Variants in RAP1GAP observed in about 807,000 individuals in gnomAD.
RAP1GAP encodes rap1 GTPase-activating protein 1.
Under a neutral mutation model 87.2 loss-of-function variants are expected in RAP1GAP, and 35 were observed. That is an observed-to-expected ratio of 0.40 (90% confidence interval 0.31 to 0.53). RAP1GAP has a LOEUF of 0.53. RAP1GAP is among the 20% of genes least tolerant of loss of function. RAP1GAP has a pLI of 0.48. For synonymous variants in RAP1GAP, 375 were observed against 363.9 expected (o/e 1.03, Z -0.35); for missense variants, 734 against 898.9 (o/e 0.82, Z 2.35).
chr1:21,611,428 G>A (rs752539634), intron 13 of RAP1GAP, 24 bp downstream of exon 13: 2 of 1,603,742 alleles, frequency 1.2e-6, no homozygotes, highest in East Asian at 2.2e-5. Context: ...GAAGACAGGA[G>A]GCAGGTGGGG....
chr1:21,647,570 G>A (rs979986711), intron 2 of RAP1GAP, among the ~76,000 whole-genome samples: 3 of 152,312 alleles, frequency 2.0e-5, no homozygotes, highest in South Asian at 2.1e-4. Flanking sequence ...GTCAGCTCCC[G>A]GAAATGCCCT....
Position 21,651,549 on chromosome 1 carries a change from G to T in RAP1GAP, c.-148-1753C>A. 2 of 678,900 alleles carry T rather than the reference G, an allele frequency of 2.9e-6. No individual in the cohort carries two copies. The highest frequency in any genetic ancestry group is 1.4e-5 in the South Asian group (1 of 71,136). The allele number at this position is 678,900 out of a possible 1,614,324, so 42.1% of individuals were successfully genotyped here. A position where few individuals can be genotyped will look rare whatever the true frequency, so the allele number is the denominator to read the frequency against. ...ACCCTGCACTCACCTCCCCACACATGCACATGGACACGCAATGGGAACACA... is the reference window on the plus strand; with the variant it reads ...ACCCTGCACTCACCTCCCCACACATTCACATGGACACGCAATGGGAACACA... On this transcript the variant is annotated intron_variant, in intron 1 of 24. Coordinates refer to ENST00000374765, the MANE Select transcript of RAP1GAP (RefSeq NM_002885.4).
At chr1:21,636,849 AAGG>A (rs541438454) in intron 2 of RAP1GAP, among the ~76,000 whole-genome samples, 1,497 of 146,874 alleles carry the variant, frequency 0.01, 16 homozygotes, top group African/African-American at 0.025. Flanking sequence ...GAAGAAGAAG[AAGG>A]AGGAGGAGGA....
intron 2 of RAP1GAP, among the ~76,000 whole-genome samples, chr1:21,644,533 T>C (rs976024796): frequency 6.6e-6 from 1 of 152,174 alleles, no homozygotes; most frequent in Non-Finnish European, 1.5e-5. Flanking sequence ...CAAAGTGCTC[T>C]GAAACACAGC....
At position 21,622,136 on chromosome 1, in the gene RAP1GAP, A is replaced by T. The variant is rs2088374698; in HGVS notation, c.-18-2086T>A. On this transcript the variant is annotated intron_variant, in intron 3 of 24. Coordinates refer to ENST00000374765, the MANE Select transcript of RAP1GAP (RefSeq NM_002885.4). The surrounding 1 kb of genome is among the most constrained non-coding windows in gnomAD (Gnocchi z 5.7). ...GCCCAGAGCCACAGTGCCACCCGGG[A>T]GGCCACAGCAAGAGCCCCAGGGTCC... 6.6e-6 allele frequency among the ~76,000 whole-genome samples: 1 copy of T among 152,114 alleles called. No homozygotes were observed. The highest frequency in any genetic ancestry group is 1.5e-5 in the Non-Finnish European group (1 of 67,986).
chr1:21,598,522 A>G lies in RAP1GAP; in HGVS notation c.1777-20T>C, dbSNP rs1280537571. On this transcript the variant is annotated intron_variant, in intron 21 of 24. Transcript: ENST00000374765. ...GCTCTCCTGGGGAGGGGGTGGAAAG[A>G]GGGAGGGAGGTTAGCCTATGCCCTT... 1.3e-6 allele frequency: 2 copies of G among 1,590,922 alleles called. No homozygotes were observed. Among genetic ancestry groups the G allele is most frequent in the Non-Finnish European group, 1.7e-6 (2 of 1,159,526 alleles).
In RAP1GAP at chr1:21,614,044, C is replaced by T; in HGVS notation, c.337G>A (p.Val113Ile). The T allele has an allele frequency of 6.2e-7, 1 of 1,612,778 alleles. No homozygotes were observed. Among genetic ancestry groups the T allele is most frequent in the Non-Finnish European group, 8.5e-7 (1 of 1,179,266 alleles). Residue 113 changes from valine to isoleucine, a missense_variant, in exon 8 of 25, where the codon GTC (valine) becomes ATC (isoleucine). By Grantham distance (29) the Val-to-Ile change is conservative. This residue lies in a region of RAP1GAP where 485 missense variants were observed against 646.2 expected (regional missense o/e 0.75). Coordinates refer to ENST00000374765, the MANE Select transcript of RAP1GAP (RefSeq NM_002885.4). ...ATGACATCGTACTTGAGTGAGAAGA[C>T]AAGGTGGCCGAGGGCAGCGTCCAGT... ...YSLDAALGHLVFSLKYDVIGD... is the reference protein window; with the variant it reads ...YSLDAALGHLIFSLKYDVIGD...
chr1:21,659,186 T>A (rs951754079), intron 1 of RAP1GAP, among the ~76,000 whole-genome samples: 1 of 152,044 alleles, frequency 6.6e-6, no homozygotes, highest in Non-Finnish European at 1.5e-5. Flanking sequence ...ATAACAGGCG[T>A]GAACCACAGT....
At chr1:21,641,876 G>A (rs936011353) in intron 2 of RAP1GAP, among the ~76,000 whole-genome samples, 15 of 152,198 alleles carry the variant, frequency 9.9e-5, no homozygotes, top group African/African-American at 3.6e-4. Context: ...CTCTGAGAGG[G>A]AGGGTGATGT....
intron 1 of RAP1GAP, among the ~76,000 whole-genome samples, chr1:21,651,099 G>A (rs1282326050): frequency 6.6e-6 from 1 of 152,134 alleles, no homozygotes; most frequent in Non-Finnish European, 1.5e-5. Context: ...CTCCGCAACA[G>A]GCATAAATCC....
At chr1:21,597,889 C>T in intron 23 of RAP1GAP, 72 bp downstream of exon 23, 2 of 1,506,370 alleles carry the variant, frequency 1.3e-6, no homozygotes, top group Non-Finnish European at 1.8e-6. Context: ...GCCTCAGCTC[C>T]CAGCCTCCCC....
intron 2 of RAP1GAP, among the ~76,000 whole-genome samples, chr1:21,630,604 G>T (rs1279405667): frequency 3.3e-5 from 5 of 152,100 alleles, no homozygotes; most frequent in African/African-American, 1.2e-4. Flanking sequence ...CCAAGCTGGA[G>T]TGCAGTGGCA....
intron 22 of RAP1GAP, 75 bp from the exon 23 acceptor site, chr1:21,598,139 G>C (rs973769644): frequency 1.5e-5 from 15 of 1,005,180 alleles, no homozygotes; most frequent in Non-Finnish European, 2.2e-5. Flanking sequence ...ATAGGTGGGC[G>C]GTCGGCACCA....
intron 1 of RAP1GAP, among the ~76,000 whole-genome samples, chr1:21,662,874 TGA>T (rs1229675307): frequency 6.6e-6 from 1 of 152,144 alleles, no homozygotes; most frequent in Non-Finnish European, 1.5e-5. Flanking sequence ...GAGGATTAAA[TGA>T]GATAGATCCA....
chr1:21,660,311 GGGCTGGAC>G (rs2097070740), intron 1 of RAP1GAP, among the ~76,000 whole-genome samples: 1 of 72,486 alleles, frequency 1.4e-5, no homozygotes, highest in Admixed American at 1.9e-4. Flanking sequence ...AGGCTCAAGA[GGGCTGGAC>G]AGAGTGGGTT....
In RAP1GAP at chr1:21,622,104, C is replaced by T. The variant is rs2088322636; in HGVS notation, c.-18-2054G>A. Among the ~76,000 whole-genome samples, 2 of 152,154 alleles carry T rather than the reference C, an allele frequency of 1.3e-5. No homozygotes were observed. The highest frequency in any genetic ancestry group is 2.9e-5 in the Non-Finnish European group (2 of 68,014). On this transcript the variant is annotated intron_variant, in intron 3 of 24. Coordinates refer to ENST00000374765, the MANE Select transcript of RAP1GAP (RefSeq NM_002885.4). The surrounding 1 kb of genome is among the most constrained non-coding windows in gnomAD (Gnocchi z 5.7). ...TAGCACGCACCCACACACACCCTGC[C>T]GCTGCAGCCCAGAGCCACAGTGCCA...
chr1:21,646,205 A>T (rs1235195728), intron 2 of RAP1GAP, among the ~76,000 whole-genome samples: 1 of 152,210 alleles, frequency 6.6e-6, no homozygotes, highest in Non-Finnish European at 1.5e-5. Context: ...ACTGGTACCA[A>T]TTCTGTCAAG....
At chr1:21,656,579 G>T (rs2096876736) in intron 1 of RAP1GAP, among the ~76,000 whole-genome samples, 1 of 152,186 alleles carries the variant, frequency 6.6e-6, no homozygotes, top group Non-Finnish European at 1.5e-5. Flanking sequence ...GGAAGCTTCT[G>T]GAAAAAGAGT....
At chr1:21,612,798 A>G (rs187934912) in intron 10 of RAP1GAP, among the ~76,000 whole-genome samples, 13 of 152,298 alleles carry the variant, frequency 8.5e-5, no homozygotes, top group Admixed American at 3.3e-4. Context: ...TGCCAGGGCT[A>G]TTCTCTCTCT....
Sources: gnomAD v4.1 joint callset for allele counts (sites outside exome capture counted in the v4.1 genomes callset) on GRCh38, gnomAD v4.1.1 for gene constraint, gnomAD v4.1.1 regional missense constraint, Gnocchi (gnomAD v3.1) non-coding constraint, MANE v1.5 for transcripts, NCBI Gene and HGNC (gene_info 2026-07-23, HGNC 2026-07-21) for gene names.